The following STX12 variants were observed in gnomAD, a reference collection of about 807,000 sequenced individuals.
STX12 encodes the protein syntaxin 12, also known as syntaxin-12.
Under a neutral mutation model 42.2 loss-of-function variants are expected in STX12, and 17 were observed. That is an observed-to-expected ratio of 0.40 (90% CI 0.28 to 0.60). The LOEUF is 0.60. STX12 is among the 20% of genes least tolerant of loss of function. STX12 has a pLI of 0.39. For synonymous variants in STX12, 108 were observed against 116.7 expected (o/e 0.93, Z 0.48); for missense variants, 297 against 330.9 (o/e 0.90, Z 0.79).
At chr1:27,800,342 G>A (rs11809913) in intron 3 of STX12, among the ~76,000 whole-genome samples, 26,582 of 152,024 alleles carry the variant, frequency 0.17, 6,085 homozygotes, top group African/African-American at 0.53. Flanking sequence ...CTGAACTCCT[G>A]TAGTACCAAT....
Position 27,822,461 on chromosome 1 carries a change from A to G in STX12, c.*132A>G. ...GTAATCATTTAGTTAGAAACTAACT[A>G]CTAACTAGTCTTTGGAATTCGTGAC... On this transcript the variant is annotated 3_prime_UTR_variant, in exon 9 of 9. Coordinates refer to ENST00000373943, the MANE Select transcript of STX12 (RefSeq NM_177424.3). 2 of 625,430 alleles carry G rather than the reference A, an allele frequency of 3.2e-6. No individual in the cohort carries two copies. The highest frequency in any genetic ancestry group is 5.8e-6 in the Non-Finnish European group (2 of 343,928). 38.7% of individuals were successfully genotyped at this position (625,430 alleles called of 1,614,324 possible). A position where few individuals can be genotyped will look rare whatever the true frequency, so the allele number is the denominator to read the frequency against.
intron 1 of STX12, among the ~76,000 whole-genome samples, chr1:27,783,152 C>T (rs374153378): frequency 6.6e-6 from 1 of 152,066 alleles, no homozygotes; most frequent in East Asian, 1.9e-4. Flanking sequence ...CAGATTCTGC[C>T]GATATCAGCT....
At chr1:27,783,769 T>C (rs11803592) in intron 1 of STX12, among the ~76,000 whole-genome samples, 11,406 of 152,246 alleles carry the variant, frequency 0.075, 1,423 homozygotes, top group African/African-American at 0.26. Context: ...CTTCAAAAAG[T>C]TGTAGCACAT....
intron 4 of STX12, 138 bp downstream of exon 4, chr1:27,801,953 TA>T: frequency 1.1e-6 from 1 of 939,536 alleles, no homozygotes; most frequent in Non-Finnish European, 1.5e-6. Context: ...GTAACCTATG[TA>T]AAAAACATAT....
At chr1:27,817,719 G>C in intron 6 of STX12, 132 bp from the exon 7 acceptor site, 1 of 719,738 alleles carries the variant, frequency 1.4e-6, no homozygotes, top group Admixed American at 2.6e-5. Flanking sequence ...ATTATTTTCT[G>C]TTTATGGAGA....
At chr1:27,798,135 C>T (rs2088799125) in intron 3 of STX12, among the ~76,000 whole-genome samples, 1 of 152,088 alleles carries the variant, frequency 6.6e-6, no homozygotes, top group South Asian at 2.1e-4. Context: ...TAAATATTAG[C>T]CATTACATTG....
intron 8 of STX12, among the ~76,000 whole-genome samples, chr1:27,820,890 T>C (rs977340818): frequency 2.0e-5 from 3 of 151,998 alleles, no homozygotes; most frequent in African/African-American, 7.3e-5. Flanking sequence ...TGGATGAAAT[T>C]GGAAATCATC....
At chr1:27,819,815 A>G in intron 8 of STX12, 83 bp downstream of exon 8, 2 of 1,196,128 alleles carry the variant, frequency 1.7e-6, no homozygotes, top group Non-Finnish European at 2.4e-6. Flanking sequence ...GAGAACAGCT[A>G]CAGCCTTTGC....
chr1:27,773,503 C>A, intron 1 of STX12, 78 bp downstream of exon 1: 2 of 1,378,528 alleles, frequency 1.5e-6, no homozygotes, highest in Non-Finnish European at 2.0e-6. Flanking sequence ...ACGCAGGGCC[C>A]GGCTGGGGCT....
chr1:27,775,643 G>C (rs1375327014), intron 1 of STX12, among the ~76,000 whole-genome samples: 1 of 152,190 alleles, frequency 6.6e-6, no homozygotes, highest in East Asian at 1.9e-4. Context: ...GGAACCTGCA[G>C]AGTTCATAAC....
chr1:27,814,287 G>A lies in STX12; in HGVS notation c.576+2019G>A, dbSNP rs151214524. Among the ~76,000 whole-genome samples, 298 of 151,568 alleles carry A rather than the reference G, an allele frequency of 2.0e-3. 1 individual carries two copies. Among genetic ancestry groups the A allele is most frequent in the African/African-American group, 7.0e-3 (289 of 41,270 alleles). On this transcript the variant is annotated intron_variant, in intron 6 of 8. Coordinates refer to ENST00000373943, the MANE Select transcript of STX12 (RefSeq NM_177424.3). ...TGGCTCATGCCTGTAATCCCGGCAA[G>A]TTGGAGGCTGAGGCAGGATGATTGC...
In STX12 at chr1:27,824,247, G is replaced by A. The variant is rs1197324731; in HGVS notation, c.*1918G>A. ...ACATTGTAGGAAAGAAAAAAGTCTT[G>A]GTTGTGAAAAACGATTTGCATTTGG... On this transcript the variant is annotated 3_prime_UTR_variant, in exon 9 of 9. Coordinates refer to ENST00000373943, the MANE Select transcript of STX12 (RefSeq NM_177424.3). 1.3e-5 allele frequency: 2 copies of A among 152,094 alleles called. No individual in the cohort carries two copies. The highest frequency in any genetic ancestry group is 2.9e-5 in the Non-Finnish European group (2 of 68,022). 9.4% of individuals were successfully genotyped at this position (152,094 alleles called of 1,614,324 possible).
At chr1:27,794,371 A>G (rs573281662) in intron 3 of STX12, among the ~76,000 whole-genome samples, 2 of 152,314 alleles carry the variant, frequency 1.3e-5, no homozygotes, top group East Asian at 3.9e-4. Flanking sequence ...TTAATGAAAC[A>G]TCTTTCTTTC....
intron 4 of STX12, among the ~76,000 whole-genome samples, chr1:27,807,586 G>A (rs370342199): frequency 6.6e-6 from 1 of 152,332 alleles, no homozygotes; most frequent in East Asian, 1.9e-4. Context: ...TGATGCAACA[G>A]GAACTTTTTT....
intron 5 of STX12, 149 bp from the exon 6 acceptor site, chr1:27,812,014 A>C (rs1164899826): frequency 1.8e-5 from 13 of 713,764 alleles, no homozygotes; most frequent in Non-Finnish European, 3.3e-5. Context: ...GGATATGAAG[A>C]ATGTGGCCCT....
Position 27,823,449 on chromosome 1 carries a change from TTTC to T in STX12, c.*1121_*1123del, listed in dbSNP as rs2088999182. The T allele has an allele frequency of 6.6e-6, 1 of 152,552 alleles. No individual in the cohort carries two copies. The highest frequency in any genetic ancestry group is 2.4e-5 in the African/African-American group (1 of 41,350). The allele number at this position is 152,552 out of a possible 1,614,324, so 9.4% of individuals were successfully genotyped here. ...GCATAGTTTTAGACAAAAAAAGATG[TTTC>T]AATAAAATTACTGTCTTGTAATATA... On this transcript the variant is annotated 3_prime_UTR_variant, in exon 9 of 9. Transcript: ENST00000373943.
chr1:27,820,372 GTAA>G (rs1400048290), intron 8 of STX12: 1 of 152,050 alleles, frequency 6.6e-6, no homozygotes, highest in Non-Finnish European at 1.5e-5. Context: ...TTTTTTTCTT[GTAA>G]ATTTGTTTGA....
intron 3 of STX12, among the ~76,000 whole-genome samples, chr1:27,796,549 A>G (rs1470597385): frequency 6.6e-6 from 1 of 151,854 alleles, no homozygotes; most frequent in East Asian, 1.9e-4. Flanking sequence ...GTGCCACCAC[A>G]CCAAGCTACT....
intron 3 of STX12, among the ~76,000 whole-genome samples, chr1:27,798,236 G>A (rs955832741): frequency 3.3e-5 from 5 of 151,966 alleles, no homozygotes; most frequent in African/African-American, 4.8e-5. Flanking sequence ...ATATGTAAGC[G>A]ATTAAAGATC....
Sources: allele counts gnomAD v4.1 joint callset (sites outside exome capture counted in the v4.1 genomes callset), GRCh38; gene constraint gnomAD v4.1.1; transcripts MANE v1.5; gene names NCBI Gene and HGNC (gene_info 2026-07-23, HGNC 2026-07-21).